The following CDK2AP2 variants were observed in gnomAD, a reference collection of about 807,000 sequenced individuals.
CDK2AP2 encodes the protein cyclin-dependent kinase 2-associated protein 2.
A neutral mutation model predicts 13.0 loss-of-function variants in CDK2AP2; 1 was observed. The observed-to-expected ratio is 0.08, with a 90% CI of 0.03 to 0.37. The LOEUF (loss-of-function observed/expected upper bound fraction) is 0.37. Among genes scored for constraint, CDK2AP2 ranks in the 10% least tolerant of loss-of-function variants. The pLI, the probability that CDK2AP2 is intolerant of heterozygous loss-of-function variation, is 0.99. For missense variants in CDK2AP2, 129 were observed against 175.8 expected, an observed-to-expected ratio of 0.73 and a Z score of 1.50; for synonymous variants, 76 against 73.0, an observed-to-expected ratio of 1.04 and a Z score of -0.21.
chr11:67,507,975 G>A (rs563251670), intron 1 of CDK2AP2, 26 bp downstream of exon 1: 3 of 1,549,678 alleles, frequency 1.9e-6, no homozygotes, highest in African/African-American at 1.4e-5. Context: ...CCCGGCAGGC[G>A]AGCAGGGGTG....
chr11:67,507,074 G>A, intron 3 of CDK2AP2, 62 bp from the exon 4 acceptor site: 1 of 1,218,438 alleles, frequency 8.2e-7, no homozygotes, highest in Admixed American at 2.6e-5. Context: ...TCCAGAGGAG[G>A]ACCCCTGCCT....
At chr11:67,507,085 C>CCAGAGGAGGA in intron 3 of CDK2AP2, 73 bp from the exon 4 acceptor site, 1 of 1,106,354 alleles carries the variant, frequency 9.0e-7, no homozygotes, top group South Asian at 1.6e-5. Context: ...ACCCCTGCCT[C>CCAGAGGAGGA]CCCACTCCCT....
Position 67,507,639 on chromosome 11 carries a change from T to G in CDK2AP2, c.133A>C (p.Arg45=), listed in dbSNP as rs747499380. The G allele has an allele frequency of 1.2e-4, 193 of 1,613,430 alleles. 1 individual carries two copies. Among genetic ancestry groups the G allele is most frequent in the Non-Finnish European group, 6.2e-5 (73 of 1,180,016 alleles). ...GSVPGAGAPF[R]PLFNDFGPPS... The stretch of plus-strand genomic sequence containing the variant: ...GGTCCAAAGTCGTTAAACAGCGGTC[T>G]GAAAGGAGCGCCGGCTCCTGGCACT... Residue 45 remains arginine, a synonymous_variant, in exon 2 of 4, where the codon AGA becomes CGA. Transcript: ENST00000301488.
Position 67,507,176 on chromosome 11 carries a change from G to A in CDK2AP2, c.314-164C>T, listed in dbSNP as rs1866551076. ...TTTGGTTAATCCTCAAGGTTGCCCTGTTGAAATACAAATTCCCATGCTCTT... is the reference window on the plus strand; with the variant it reads ...TTTGGTTAATCCTCAAGGTTGCCCTATTGAAATACAAATTCCCATGCTCTT... On this transcript the variant is annotated intron_variant, in intron 3 of 3. Coordinates refer to ENST00000301488, the MANE Select transcript of CDK2AP2 (RefSeq NM_005851.5). The A allele has an allele frequency of 6.1e-6, 5 of 816,232 alleles. No homozygotes were observed. In the South Asian group the frequency reaches 6.9e-5, roughly 11 times the overall value. 50.6% of individuals were successfully genotyped at this position (816,232 alleles called of 1,614,324 possible).
Position 67,506,562 on chromosome 11 carries a change from G to A in CDK2AP2, c.*383C>T, listed in dbSNP as rs1866526567. 2.7e-5 allele frequency: 8 copies of A among 297,074 alleles called. No homozygotes were observed. The South Asian group carries it at 5.0e-4, about 18-fold the overall frequency. 18.4% of individuals were successfully genotyped at this position (297,074 alleles called of 1,614,324 possible). A position where few individuals can be genotyped will look rare whatever the true frequency, so the allele number is the denominator to read the frequency against. On this transcript the variant is annotated 3_prime_UTR_variant, in exon 4 of 4. Transcript: ENST00000301488. The stretch of plus-strand genomic sequence containing the variant: ...GGGCATATTTAGCAAAAGACACACA[G>A]ATAAAAGAGTCACTATGGCTCAGGA...
At position 67,506,911 on chromosome 11, in the gene CDK2AP2, A is replaced by T; in HGVS notation, c.*34T>A. The T allele has an allele frequency of 6.5e-7, 1 of 1,533,270 alleles. No homozygotes were observed. Among genetic ancestry groups the T allele is most frequent in the Non-Finnish European group, 8.8e-7 (1 of 1,130,932 alleles). 95.0% of individuals were successfully genotyped at this position (1,533,270 alleles called of 1,614,324 possible). A position where few individuals can be genotyped will look rare whatever the true frequency, so the allele number is the denominator to read the frequency against. On this transcript the variant is annotated 3_prime_UTR_variant, in exon 4 of 4. Transcript: ENST00000301488. ...GAAGCGGGTGCTCTGCAGTGGCCGG[A>T]TAGGTCCAGACGCTGAGGCCGAGGC...
At position 67,508,068 on chromosome 11, in the gene CDK2AP2, G is replaced by C. The variant is rs1235537601; in HGVS notation, c.15C>G (p.Pro5=). 1 of 1,490,360 alleles carries C rather than the reference G, an allele frequency of 6.7e-7. No homozygotes were observed. The allele number at this position is 1,490,360 out of a possible 1,614,324, so 92.3% of individuals were successfully genotyped here. ...GGGTGCTGCTGGGAGCAGGGGCGAT[G>C]GGTTTGTAGGACATCCCCAACTCCT... MSYK[P]IAPAPSSTPG... Residue 5 remains proline, a synonymous_variant, in exon 1 of 4, where the codon CCC becomes CCG. Transcript: ENST00000301488.
chr11:67,507,407 T>C lies in CDK2AP2; in HGVS notation c.271A>G (p.Thr91Ala). 6.2e-7 allele frequency: 1 copy of C among 1,613,432 alleles called. No homozygotes were observed. The highest frequency in any genetic ancestry group is 2.2e-5 in the East Asian group (1 of 44,884). The change falls in exon 3 of 4, where the codon ACC (threonine) becomes GCC (alanine). Residue 91 changes from threonine to alanine, a missense_variant. Physicochemically the swap from Thr to Ala is moderately conservative, Grantham distance 58. Transcript: ENST00000301488. ...IEEMGKEIRP[T>A]YAGSKSAMER... ...ATGGCGCTCTTGCTGCCAGCATAGG[T>C]AGGCCGGATCTCTTTGCCCATCTCC...
At chr11:67,507,928 C>T in intron 1 of CDK2AP2, 73 bp downstream of exon 1, 1 of 1,548,442 alleles carries the variant, frequency 6.5e-7, no homozygotes, top group Non-Finnish European at 8.7e-7. Flanking sequence ...CCCAGTATTG[C>T]AGAACTCAGG....
intron 3 of CDK2AP2, 166 bp downstream of exon 3, chr11:67,507,199 C>A: frequency 3.4e-6 from 3 of 884,012 alleles, no homozygotes; most frequent in Non-Finnish European, 5.3e-6. Context: ...TTCCCATGCT[C>A]TTCCCTGGAA....
At position 67,507,352 on chromosome 11, in the gene CDK2AP2, T is replaced by G. The variant is rs1591072866; in HGVS notation, c.313+13A>C. On this transcript the variant is annotated intron_variant, in intron 3 of 3. Transcript: ENST00000301488. ...TGTCGGTTTCCTGAGCAGGGCGGCCTGGCCTCACTTACCTCTCTTCAGGCG... is the reference window on the plus strand; with the variant it reads ...TGTCGGTTTCCTGAGCAGGGCGGCCGGGCCTCACTTACCTCTCTTCAGGCG... The G allele has an allele frequency of 6.2e-7, 1 of 1,612,058 alleles. No homozygotes were observed. Among genetic ancestry groups the G allele is most frequent in the Non-Finnish European group, 8.5e-7 (1 of 1,180,006 alleles).
In CDK2AP2 at chr11:67,506,747, C is replaced by T; in HGVS notation, c.*198G>A. The T allele has an allele frequency of 1.7e-6, 1 of 581,606 alleles. No individual in the cohort carries two copies. Among genetic ancestry groups the T allele is most frequent in the Non-Finnish European group, 3.0e-6 (1 of 329,072 alleles). 36.0% of individuals were successfully genotyped at this position (581,606 alleles called of 1,614,324 possible). On this transcript the variant is annotated 3_prime_UTR_variant, in exon 4 of 4. Transcript: ENST00000301488. The stretch of plus-strand genomic sequence containing the variant: ...ATGGGTGGGACTCATGGGGACCTCG[C>T]TGCTAACTCTTGTTGTGGGGGGGTG...
rs1393196519 is a variant in CDK2AP2, at chr11:67,507,648, C to G, written c.124G>C (p.Ala42Pro). 1.2e-6 allele frequency: 2 copies of G among 1,607,660 alleles called. No homozygotes were observed. Among genetic ancestry groups the G allele is most frequent in the East Asian group, 4.5e-5 (2 of 44,638 alleles). The change falls in exon 2 of 4, where the codon GCT (alanine) becomes CCT (proline). Residue 42 changes from alanine (A) to proline (P), a missense_variant. This residue lies in a region of CDK2AP2 where 98 missense variants were observed against 99.7 expected (regional missense o/e 0.98). Transcript: ENST00000301488. ...TCGTTAAACAGCGGTCTGAAAGGAGCGCCGGCTCCTGGCACTGAGCCCGAC... is the reference window on the plus strand; with the variant it reads ...TCGTTAAACAGCGGTCTGAAAGGAGGGCCGGCTCCTGGCACTGAGCCCGAC... ...SPSGSVPGAG[A>P]PFRPLFNDFG... is the part of the protein sequence containing the mutation.
At chr11:67,507,964 G>A in intron 1 of CDK2AP2, 37 bp downstream of exon 1, 1 of 1,549,562 alleles carries the variant, frequency 6.5e-7, no homozygotes, top group Middle Eastern at 1.7e-4. Flanking sequence ...GACCTCGACC[G>A]CCCGGCAGGC....
intron 3 of CDK2AP2, 47 bp from the exon 4 acceptor site, chr11:67,507,059 T>C: frequency 1.4e-6 from 2 of 1,393,718 alleles, no homozygotes; most frequent in Non-Finnish European, 1.9e-6. Context: ...CCCCACCCAC[T>C]GCCCTCCAGA....
Position 67,507,635 on chromosome 11 carries a change from G to C in CDK2AP2, c.137C>G (p.Pro46Arg). 1 of 1,613,472 alleles carries C rather than the reference G, an allele frequency of 6.2e-7. No homozygotes were observed. The highest frequency in any genetic ancestry group is 8.5e-7 in the Non-Finnish European group (1 of 1,180,024). Residue 46 changes from proline to arginine, a missense_variant, in exon 2 of 4, where the codon CCG becomes CGG. Transcript: ENST00000301488. ...SVPGAGAPFR[P>R]LFNDFGPPSM... Reference sequence around the variant, plus strand: ...AGGCGGTCCAAAGTCGTTAAACAGCGGTCTGAAAGGAGCGCCGGCTCCTGG... The same window carrying C: ...AGGCGGTCCAAAGTCGTTAAACAGCCGTCTGAAAGGAGCGCCGGCTCCTGG...
At position 67,506,838 on chromosome 11, in the gene CDK2AP2, G is replaced by T; in HGVS notation, c.*107C>A. On this transcript the variant is annotated 3_prime_UTR_variant, in exon 4 of 4. Coordinates refer to ENST00000301488, the MANE Select transcript of CDK2AP2 (RefSeq NM_005851.5). The stretch of plus-strand genomic sequence containing the variant: ...GGAGGGGACCCACCAAGGGACACAG[G>T]ACAGGAAGCCCAGGATGGTTAGTGC... 3 of 955,072 alleles carry T rather than the reference G, an allele frequency of 3.1e-6. No individual in the cohort carries two copies. The highest frequency in any genetic ancestry group is 2.1e-5 in the Admixed American group (1 of 47,904). 59.2% of individuals were successfully genotyped at this position (955,072 alleles called of 1,614,324 possible).
chr11:67,507,179 G>T, intron 3 of CDK2AP2, 167 bp from the exon 4 acceptor site: 1 of 820,162 alleles, frequency 1.2e-6, no homozygotes, highest in Non-Finnish European at 1.9e-6. Flanking sequence ...TTGCCCTGTT[G>T]AAATACAAAT....
In CDK2AP2 at chr11:67,508,070, GT is replaced by G; in HGVS notation, c.12del (p.Lys4AsnfsTer59). On this transcript the variant is annotated frameshift_variant, in exon 1 of 4. Coordinates refer to ENST00000301488, the MANE Select transcript of CDK2AP2 (RefSeq NM_005851.5). LOFTEE classifies it high-confidence loss of function. ...GTGCTGCTGGGAGCAGGGGCGATGG[GT>G]TTGTAGGACATCCCCAACTCCTGGG... MSY[K>X]PIAPAPSSTP... 6.7e-7 allele frequency: 1 copy of G among 1,490,488 alleles called. No homozygotes were observed. The highest frequency in any genetic ancestry group is 8.9e-7 in the Non-Finnish European group (1 of 1,121,076). 92.3% of individuals were successfully genotyped at this position (1,490,488 alleles called of 1,614,324 possible).
Sources: allele counts gnomAD v4.1 joint callset, GRCh38; gene constraint gnomAD v4.1.1; regional missense constraint gnomAD v4.1.1; transcripts MANE v1.5; gene names NCBI Gene and HGNC (gene_info 2026-07-23, HGNC 2026-07-21).